Variants in PYGO1 observed in about 807,000 individuals in gnomAD.
PYGO1 encodes the protein pygopus family PHD finger 1, also known as pygopus homolog 1.
PYGO1 carries 6 observed loss-of-function variants against 29.5 expected under a neutral mutation model. The ratio of observed to expected loss-of-function variants is 0.20; its 90% CI spans 0.11 to 0.40. PYGO1 has a LOEUF of 0.40. Ranked by LOEUF, PYGO1 falls within the 10% of genes least tolerant of loss-of-function variation. The probability of loss-of-function intolerance (pLI) is 1.00; values close to 1 mark genes in which losing one functional copy is unlikely to be tolerated. For missense variants in PYGO1, 515 were observed against 514.9 expected, an observed-to-expected ratio of 1.00 and a Z score of 0.00; for synonymous variants, 186 against 180.5, an observed-to-expected ratio of 1.03 and a Z score of -0.24.
At position 55,546,845 on chromosome 15, in the gene PYGO1, A is replaced by G. The variant is rs1413615832; in HGVS notation, c.438T>C (p.Phe146=). 2 of 1,614,126 alleles carry G rather than the reference A, an allele frequency of 1.2e-6. No individual in the cohort carries two copies. Among genetic ancestry groups the G allele is most frequent in the South Asian group, 1.1e-5 (1 of 91,076 alleles). The change falls in exon 3 of 3, where the codon TTT becomes TTC. Residue 146 remains phenylalanine, a synonymous_variant. Transcript: ENST00000563719. The part of the protein sequence containing the change: ...LGMGFNRPHA[F]NFGPHDNSSF... ...TTGAATTATCATGTGGCCCAAAGTT[A>G]AAAGCATGAGGTCGATTAAAACCCA...
chr15:55,587,762 C>T (rs981676135), intron 1 of PYGO1, 73 bp downstream of exon 1: 21 of 1,439,538 alleles, frequency 1.5e-5, no homozygotes, highest in Non-Finnish European at 1.6e-5. Flanking sequence ...CCATGGCCTC[C>T]CGGCGGCCGG....
intron 1 of PYGO1, among the ~76,000 whole-genome samples, chr15:55,558,782 T>A (rs544773129): frequency 6.6e-6 from 1 of 152,024 alleles, no homozygotes; most frequent in African/African-American, 2.4e-5. Flanking sequence ...GCCAGCCATA[T>A]GTAGAAAGCT....
intron 1 of PYGO1, among the ~76,000 whole-genome samples, chr15:55,582,206 CAAAA>C (rs58715888): frequency 1.3e-4 from 14 of 104,088 alleles, no homozygotes; most frequent in Admixed American, 1.0e-3. Context: ...GGCTCCATCT[CAAAA>C]AAAAAAAAAA....
At chr15:55,552,361 C>CAAAAA (rs56789656) in intron 1 of PYGO1, among the ~76,000 whole-genome samples, 24 of 52,988 alleles carry the variant, frequency 4.5e-4, no homozygotes, top group African/African-American at 1.3e-3. Flanking sequence ...ACTCTGTCTC[C>CAAAAA]AAAAAAAAAA....
chr15:55,553,752 C>A (rs1207000847), intron 1 of PYGO1, among the ~76,000 whole-genome samples: 1 of 152,058 alleles, frequency 6.6e-6, no homozygotes, highest in Non-Finnish European at 1.5e-5. Context: ...TCTCCAGATA[C>A]CTCCTATAGA....
intron 1 of PYGO1, among the ~76,000 whole-genome samples, chr15:55,561,133 A>G (rs562454384): frequency 2.6e-5 from 4 of 152,312 alleles, no homozygotes; most frequent in East Asian, 1.9e-4. Flanking sequence ...TTATACAAAA[A>G]CAGACATACA....
chr15:55,552,152 C>T (rs548236710), intron 1 of PYGO1, among the ~76,000 whole-genome samples: 2 of 151,588 alleles, frequency 1.3e-5, no homozygotes, highest in Admixed American at 6.6e-5. Context: ...GTCAGGAGTT[C>T]GAGACCAGCC....
At position 55,588,024 on chromosome 15, in the gene PYGO1, G is replaced by T. The variant is rs2059056824; in HGVS notation, c.-141C>A. 2 of 1,257,262 alleles carry T rather than the reference G, an allele frequency of 1.6e-6. No homozygotes were observed. The highest frequency in any genetic ancestry group is 2.1e-4 in the Middle Eastern group (1 of 4,708). The allele number at this position is 1,257,262 out of a possible 1,614,324, so 77.9% of individuals were successfully genotyped here. On this transcript the variant is annotated 5_prime_UTR_variant, in exon 1 of 3. Coordinates refer to ENST00000563719, the MANE Select transcript of PYGO1 (RefSeq NM_001367806.1). The stretch of plus-strand genomic sequence containing the variant: ...CCGAGGCACGGCCGAGGGCGGTGGG[G>T]ACGCGGGCCGACTTTGCAAAGTTTG...
At position 55,543,238 on chromosome 15, in the gene PYGO1, A is replaced by C. The variant is rs1251559135; in HGVS notation, c.*2785T>G. The C allele has an allele frequency of 6.6e-6, 1 of 152,202 alleles. No individual in the cohort carries two copies. The highest frequency in any genetic ancestry group is 1.5e-5 in the Non-Finnish European group (1 of 68,030). 9.4% of individuals were successfully genotyped at this position (152,202 alleles called of 1,614,324 possible). ...CCTAAGAAGCCATTTCAGTTTGTAT[A>C]ATAGCCTTCTTCAGACAAATTATCA... On this transcript the variant is annotated 3_prime_UTR_variant, in exon 3 of 3. Coordinates refer to ENST00000563719, the MANE Select transcript of PYGO1 (RefSeq NM_001367806.1).
intron 1 of PYGO1, among the ~76,000 whole-genome samples, chr15:55,586,956 C>CT (rs1270318104): frequency 6.6e-6 from 1 of 152,220 alleles, no homozygotes; most frequent in Non-Finnish European, 1.5e-5. Context: ...TGAAGATTGT[C>CT]TATCTGCTTT....
At chr15:55,581,444 T>A (rs975990730) in intron 1 of PYGO1, among the ~76,000 whole-genome samples, 3 of 152,148 alleles carry the variant, frequency 2.0e-5, no homozygotes, top group Non-Finnish European at 4.4e-5. Context: ...TAAGAAAGTT[T>A]GATTTTTACT....
At chr15:55,552,345 A>G (rs998352494) in intron 1 of PYGO1, among the ~76,000 whole-genome samples, 6 of 130,542 alleles carry the variant, frequency 4.6e-5, no homozygotes, top group African/African-American at 1.8e-4. Flanking sequence ...TGGGCAAAAG[A>G]GCGAGACTCT....
At chr15:55,550,379 T>C (rs547346671) in intron 1 of PYGO1, among the ~76,000 whole-genome samples, 1 of 152,284 alleles carries the variant, frequency 6.6e-6, no homozygotes, top group African/African-American at 2.4e-5. Flanking sequence ...GGGGAAGTGA[T>C]AGGAAATTTC....
chr15:55,580,403 C>T (rs1164883853), intron 1 of PYGO1, among the ~76,000 whole-genome samples: 7 of 152,064 alleles, frequency 4.6e-5, no homozygotes, highest in Non-Finnish European at 1.0e-4. Flanking sequence ...TTAAATATAC[C>T]TAAAAGAGAA....
At chr15:55,551,568 G>A (rs1379143624) in intron 1 of PYGO1, among the ~76,000 whole-genome samples, 4 of 152,156 alleles carry the variant, frequency 2.6e-5, no homozygotes, top group South Asian at 2.1e-4. Flanking sequence ...AGGCTGAGGC[G>A]GGGGATTGCT....
intron 1 of PYGO1, among the ~76,000 whole-genome samples, chr15:55,572,034 A>G (rs988509040): frequency 2.6e-5 from 4 of 152,202 alleles, no homozygotes; most frequent in Non-Finnish European, 4.4e-5. Flanking sequence ...AATCTCCATC[A>G]AAATTCCAAG....
upstream of PYGO1, chr15:55,588,968 G>C (rs2059062973): frequency 1.4e-6 from 1 of 701,320 alleles, no homozygotes; most frequent in Non-Finnish European, 2.4e-6. Context: ...GAGCGACGTA[G>C]AATAAATACC....
At position 55,546,217 on chromosome 15, in the gene PYGO1, C is replaced by T. The variant is rs2058849183; in HGVS notation, c.1066G>A (p.Ala356Thr). 3.7e-6 allele frequency: 6 copies of T among 1,614,192 alleles called. No homozygotes were observed. The East Asian group carries it at 1.1e-4, about 30-fold the overall frequency. ...CTNEVNDDQD[A>T]ILCEASCQKW... is the part of the protein sequence containing the mutation. ...TGACAAGAGGCCTCACATAAGATGG[C>T]ATCCTGATCATCGTTCACCTCGTTT... is the stretch of plus-strand genomic sequence containing the variant. Residue 356 changes from alanine (A) to threonine (T), a missense_variant, in exon 3 of 3, where the codon GCC becomes ACC. Physicochemically the swap from Ala to Thr is moderately conservative, Grantham distance 58. Coordinates refer to ENST00000563719, the MANE Select transcript of PYGO1 (RefSeq NM_001367806.1).
rs554476674 is a variant in PYGO1, at chr15:55,579,082, A to G, written c.49+8753T>C. 1.8e-4 allele frequency among the ~76,000 whole-genome samples: 27 copies of G among 152,330 alleles called. No homozygotes were observed. In the South Asian group the frequency reaches 5.4e-3, roughly 30 times the overall value. On this transcript the variant is annotated intron_variant, in intron 1 of 2. Transcript: ENST00000563719. The stretch of plus-strand genomic sequence containing the variant: ...TGGTAAATAAAGAATTGACAGTAAG[A>G]GCCAGTGCTCTCCTCAAGGTCATTT...
Sources: allele counts gnomAD v4.1 joint callset (sites outside exome capture counted in the v4.1 genomes callset), GRCh38; gene constraint gnomAD v4.1.1; transcripts MANE v1.5; gene names NCBI Gene and HGNC (gene_info 2026-07-23, HGNC 2026-07-21).